Variants in PTPRJ observed in about 807,000 individuals in gnomAD.
PTPRJ encodes receptor-type tyrosine-protein phosphatase eta.
Under a neutral mutation model 141.3 loss-of-function variants are expected in PTPRJ, and 129 were observed. The ratio of observed to expected loss-of-function variants is 0.91; its 90% confidence interval spans 0.79 to 1.06. The LOEUF (loss-of-function observed/expected upper bound fraction) is 1.06. Ranked by LOEUF, PTPRJ falls within the 50% of genes least tolerant of loss-of-function variation. The pLI, the probability that PTPRJ is intolerant of heterozygous loss-of-function variation, is 0.00. For synonymous variants in PTPRJ, 610 were observed against 640.5 expected (o/e 0.95, Z 0.72); for missense variants, 1,601 against 1,679.7 (o/e 0.95, Z 0.82).
At chr11:48,046,908 ATATATTTTTTTTT>A (rs1379635377) in intron 1 of PTPRJ, among the ~76,000 whole-genome samples, 24 of 85,910 alleles carry the variant, frequency 2.8e-4, no homozygotes, top group Admixed American at 5.7e-4. Context: ...ATATATATAT[ATATATTTTTTTTT>A]TTTTTTTTTT....
intron 3 of PTPRJ, among the ~76,000 whole-genome samples, chr11:48,118,950 G>A (rs1856633644): frequency 6.9e-6 from 1 of 145,426 alleles, no homozygotes; most frequent in Non-Finnish European, 1.5e-5. Flanking sequence ...AACCCGGGAG[G>A]CAGAGGTTGC....
intron 1 of PTPRJ, among the ~76,000 whole-genome samples, chr11:48,056,841 C>T (rs1854764619): frequency 6.6e-6 from 1 of 152,190 alleles, no homozygotes; most frequent in Non-Finnish European, 1.5e-5. Context: ...ATAATCCCAG[C>T]TACTCAGGAG....
chr11:48,101,842 T>A (rs1856158011), intron 1 of PTPRJ, among the ~76,000 whole-genome samples: 1 of 152,174 alleles, frequency 6.6e-6, no homozygotes, highest in Non-Finnish European at 1.5e-5. Flanking sequence ...AGTCTTCAAC[T>A]GAAGAATTGA....
At chr11:47,985,952 C>T (rs1195871848) in intron 1 of PTPRJ, among the ~76,000 whole-genome samples, 2 of 152,042 alleles carry the variant, frequency 1.3e-5, no homozygotes, top group African/African-American at 2.4e-5. Flanking sequence ...CCGCCCACCT[C>T]GGCCTCCCAA....
At chr11:48,137,947 T>C (rs952561431) in intron 10 of PTPRJ, among the ~76,000 whole-genome samples, 1 of 152,200 alleles carries the variant, frequency 6.6e-6, no homozygotes, top group African/African-American at 2.4e-5. Flanking sequence ...CTCTGTGTAA[T>C]TGAGGATGCT....
rs1565261489 is a variant in PTPRJ, at chr11:48,021,375, TAAAA to T, written c.96+40368_96+40371del. The stretch of plus-strand genomic sequence containing the variant: ...GGCGGCAAGAGCAAGACTCCGTCCC[TAAAA>T]TAAATAAATAAATAAATAAATAAAT... On this transcript the variant is annotated intron_variant, in intron 1 of 24. Transcript: ENST00000418331. Among the ~76,000 whole-genome samples, 919 of 109,216 alleles carry T rather than the reference TAAAA, an allele frequency of 8.4e-3. 13 individuals carry two copies. Among genetic ancestry groups the T allele is most frequent in the African/African-American group, 0.029 (853 of 29,872 alleles). 71.6% of individuals were successfully genotyped at this position (109,216 alleles called of 152,430 possible). A position where few individuals can be genotyped will look rare whatever the true frequency, so the allele number is the denominator to read the frequency against.
intron 1 of PTPRJ, among the ~76,000 whole-genome samples, chr11:48,006,519 A>G (rs572936735): frequency 9.0e-4 from 137 of 152,260 alleles, no homozygotes; most frequent in African/African-American, 3.2e-3. Context: ...AGCTGGTTAT[A>G]ATCCAGAGAC....
At chr11:48,167,060 A>C in intron 24 of PTPRJ, 144 bp from the exon 25 acceptor site, 1 of 690,988 alleles carries the variant, frequency 1.4e-6, no homozygotes, top group East Asian at 2.6e-5. Flanking sequence ...TTACCTCTTG[A>C]AACATGTTCG....
chr11:48,037,024 A>G (rs1326857909), intron 1 of PTPRJ, among the ~76,000 whole-genome samples: 1 of 152,214 alleles, frequency 6.6e-6, no homozygotes, highest in Admixed American at 6.5e-5. Flanking sequence ...ATATTTGCAC[A>G]TGCAGATATC....
chr11:48,146,719 TTG>T (rs1341457596), intron 14 of PTPRJ, among the ~76,000 whole-genome samples, 155 bp from the exon 15 acceptor site: 2 of 151,654 alleles, frequency 1.3e-5, no homozygotes, highest in Non-Finnish European at 3.0e-5. Flanking sequence ...TTTAACTCCC[TTG>T]TGTGTGTGTG....
At chr11:48,047,322 A>G (rs1854433877) in intron 1 of PTPRJ, among the ~76,000 whole-genome samples, 1 of 152,196 alleles carries the variant, frequency 6.6e-6, no homozygotes, top group Non-Finnish European at 1.5e-5. Context: ...AGAGTTGCTA[A>G]CAAGTAAAGT....
chr11:48,047,444 A>G (rs1205246631), intron 1 of PTPRJ, among the ~76,000 whole-genome samples: 1 of 152,034 alleles, frequency 6.6e-6, no homozygotes, highest in East Asian at 1.9e-4. Flanking sequence ...GGTTAGGGTG[A>G]AAAGCTTTTT....
intron 1 of PTPRJ, among the ~76,000 whole-genome samples, chr11:47,998,882 C>T (rs1854413545): frequency 6.6e-6 from 1 of 152,140 alleles, no homozygotes; most frequent in Non-Finnish European, 1.5e-5. Flanking sequence ...GGGATGTTAC[C>T]TGGAGAGGAC....
intron 8 of PTPRJ, 38 bp from the exon 9 acceptor site, chr11:48,136,001 G>C: frequency 6.3e-7 from 1 of 1,597,576 alleles, no homozygotes; most frequent in Non-Finnish European, 8.5e-7. Context: ...CGTCATGATA[G>C]TAACAGTTTT....
chr11:48,054,662 T>A (rs1039997462), intron 1 of PTPRJ, among the ~76,000 whole-genome samples: 2 of 152,124 alleles, frequency 1.3e-5, no homozygotes, highest in African/African-American at 4.8e-5. Context: ...CCTCTCACAG[T>A]GTGGCCCCCG....
At chr11:48,140,108 CACTGCAACCT>C (rs1565323836) in intron 11 of PTPRJ, among the ~76,000 whole-genome samples, 1 of 152,176 alleles carries the variant, frequency 6.6e-6, no homozygotes, top group African/African-American at 2.4e-5. Context: ...AATCTCAGCT[CACTGCAACCT>C]CTGCTTCCTG....
intron 22 of PTPRJ, among the ~76,000 whole-genome samples, chr11:48,163,123 T>C (rs1857827217): frequency 6.6e-6 from 1 of 152,158 alleles, no homozygotes; most frequent in Non-Finnish European, 1.5e-5. Flanking sequence ...GAGTTCATTA[T>C]TGATAGGCAG....
At chr11:48,154,252 C>T (rs1214790766) in intron 19 of PTPRJ, among the ~76,000 whole-genome samples, 1 of 152,194 alleles carries the variant, frequency 6.6e-6, no homozygotes, top group African/African-American at 2.4e-5. Context: ...TGTTCTTAAC[C>T]CCTCTGTCTC....
chr11:48,017,814 A>G (rs763815257), intron 1 of PTPRJ, among the ~76,000 whole-genome samples: 21 of 152,202 alleles, frequency 1.4e-4, no homozygotes, highest in Admixed American at 3.3e-4. Context: ...GACAGTTTAG[A>G]GTGTCACAGT....
Sources: allele counts gnomAD v4.1 joint callset (sites outside exome capture counted in the v4.1 genomes callset), GRCh38; gene constraint gnomAD v4.1.1; transcripts MANE v1.5; gene names NCBI Gene and HGNC (gene_info 2026-07-23, HGNC 2026-07-21).